The following PLCD3 variants were observed in gnomAD, a reference collection of about 807,000 sequenced individuals.
PLCD3 encodes phospholipase C delta 3.
PLCD3 carries 62 observed loss-of-function variants against 82.8 expected under a neutral mutation model. The ratio of observed to expected loss-of-function variants is 0.75; its 90% CI spans 0.61 to 0.93. PLCD3 has a LOEUF of 0.93. PLCD3 is among the 40% of genes least tolerant of loss of function. PLCD3 has a pLI of 0.00. For missense variants in PLCD3, 1,023 were observed against 1,103.4 expected, an observed-to-expected ratio of 0.93 and a Z score of 1.03; for synonymous variants, 478 against 471.8, an observed-to-expected ratio of 1.01 and a Z score of -0.17.
At chr17:45,116,401 G>A (rs554344716) in intron 8 of PLCD3, among the ~76,000 whole-genome samples, 1 of 148,386 alleles carries the variant, frequency 6.7e-6, no homozygotes, top group African/African-American at 2.6e-5. Context: ...GGCAAAGCCA[G>A]GTTACAGAAG....
Position 45,121,053 on chromosome 17 carries a change from G to A in PLCD3, c.403C>T (p.Pro135Ser). The stretch of plus-strand genomic sequence containing the variant: ...AAGGCGATGGTGAGGCAGCGCGCTG[G>A]CGCGAAGGCACCCCCGAAGCGCCGC... ...GLRRFGGAFA[P>S]ARCLTIAFKG... is the part of the protein sequence containing the mutation. Residue 135 changes from proline (P) to serine (S), a missense_variant, in exon 3 of 15, where the codon CCA becomes TCA. Coordinates refer to ENST00000619929, the MANE Select transcript of PLCD3 (RefSeq NM_133373.5). 1 of 1,540,626 alleles carries A rather than the reference G, an allele frequency of 6.5e-7. No individual in the cohort carries two copies. The highest frequency in any genetic ancestry group is 1.9e-5 in the Admixed American group (1 of 51,742).
At chr17:45,122,927 A>G (rs12944434) in intron 1 of PLCD3, among the ~76,000 whole-genome samples, 74,808 of 152,080 alleles carry the variant, frequency 0.49, 18,613 homozygotes, top group South Asian at 0.63. Context: ...ATGAGGGCCC[A>G]GAGTTTCCAG....
chr17:45,112,751 G>A (rs749191322), intron 14 of PLCD3, 47 bp from the exon 15 acceptor site: 4 of 1,590,250 alleles, frequency 2.5e-6, no homozygotes, highest in East Asian at 2.3e-5. Flanking sequence ...CACCCTGGGG[G>A]TCTGGCCCAG....
intron 1 of PLCD3, among the ~76,000 whole-genome samples, chr17:45,123,689 C>A (rs2054359256): frequency 6.6e-6 from 1 of 152,178 alleles, no homozygotes; most frequent in Non-Finnish European, 1.5e-5. Context: ...GCCTGGGCAT[C>A]TGTATTTTTA....
At chr17:45,114,613 A>G (rs2143550220) in intron 10 of PLCD3, among the ~76,000 whole-genome samples, 1 of 152,038 alleles carries the variant, frequency 6.6e-6, no homozygotes, top group Middle Eastern at 3.4e-3. Flanking sequence ...GTTCCAACCA[A>G]GTACACTGAA....
chr17:45,118,397 G>A lies in PLCD3; in HGVS notation c.1009C>T (p.Gln337Ter). The change falls in exon 6 of 15, where the codon CAG becomes TAG. Residue 337 changes from glutamine to a stop codon, truncating the protein, a stop_gained. Transcript: ENST00000619929. LOFTEE classifies it high-confidence loss of function. This position sits in a 1 kb window ranked among gnomAD's most constrained non-coding sequence, Gnocchi z 4.1. ...TGGGCAAGGGGCTGGTTCATGTCCT[G>A]GAACACACACGTGTGGGTGTTGTCC... ...ALDNTHTCVF[Q>*]DMNQPLAHYF... The A allele has an allele frequency of 6.2e-7, 1 of 1,614,028 alleles. No individual in the cohort carries two copies. The highest frequency in any genetic ancestry group is 8.5e-7 in the Non-Finnish European group (1 of 1,179,890).
chr17:45,125,142 C>T lies in PLCD3; in HGVS notation c.164-3770G>A, dbSNP rs185497374. On this transcript the variant is annotated intron_variant, in intron 1 of 14. Transcript: ENST00000619929. ...AGGAGTTCAAGACCAGCCTGACCAA[C>T]ATGGTGAAACCCTGTTTCTGTTTAA... 6.8e-3 allele frequency among the ~76,000 whole-genome samples: 1,007 copies of T among 148,440 alleles called. 23 individuals carry two copies. Among genetic ancestry groups the T allele is most frequent in the East Asian group, 0.022 (108 of 4,926 alleles).
rs1000544875 is a variant in PLCD3, at chr17:45,109,476, T to C, written c.*3140A>G. The C allele has an allele frequency of 1.3e-5, 2 of 152,352 alleles. No homozygotes were observed. The highest frequency in any genetic ancestry group is 4.8e-5 in the African/African-American group (2 of 41,456). The allele number at this position is 152,352 out of a possible 1,614,324, so 9.4% of individuals were successfully genotyped here. ...GAGTCACTAGGGGTGCATTTTAACA[T>C]GGCAAGTTGCTGGGCCCCAGTAGCT... On this transcript the variant is annotated 3_prime_UTR_variant, in exon 15 of 15. Transcript: ENST00000619929.
chr17:45,118,533 T>TC lies in PLCD3; in HGVS notation c.914-42dup, dbSNP rs762456437. The TC allele has an allele frequency of 1.9e-6, 3 of 1,600,892 alleles. No homozygotes were observed. In the South Asian group the frequency reaches 3.3e-5, roughly 18 times the overall value. ...GAGAGGGCATCAGGCCACATAGGGA[T>TC]CCCCCATGTCCAGCTTCCAATGCCC... is the stretch of plus-strand genomic sequence containing the variant. On this transcript the variant is annotated intron_variant, in intron 5 of 14. Coordinates refer to ENST00000619929, the MANE Select transcript of PLCD3 (RefSeq NM_133373.5). This position sits in a 1 kb window ranked among gnomAD's most constrained non-coding sequence, Gnocchi z 4.1.
intron 1 of PLCD3, among the ~76,000 whole-genome samples, chr17:45,122,323 A>C (rs56322817): frequency 1.5e-4 from 23 of 152,350 alleles, no homozygotes; most frequent in African/African-American, 5.5e-4. Context: ...CTTGGGCAAC[A>C]GAGTGAGACT....
In PLCD3 at chr17:45,116,660, G is replaced by A. The variant is rs1219095331; in HGVS notation, c.1385C>T (p.Pro462Leu). The A allele has an allele frequency of 1.2e-6, 2 of 1,604,772 alleles. No homozygotes were observed. The highest frequency in any genetic ancestry group is 1.1e-5 in the South Asian group (1 of 90,224). ...TGGGGATGGCAGCTCCTCGGGATTT[G>A]GGGAGTCCAGCGCCTGTGTCACCAG... The part of the protein sequence containing the change: ...DMLVTQALDS[P>L]NPEELPSPEQ... The change falls in exon 8 of 15, where the codon CCA (proline) becomes CTA (leucine). Residue 462 changes from proline to leucine, a missense_variant. Pro to Leu is a moderately conservative substitution (Grantham distance 98, BLOSUM62 -3). This residue lies in a region of PLCD3 where 553 missense variants were observed against 655.7 expected (regional missense o/e 0.84). Coordinates refer to ENST00000619929, the MANE Select transcript of PLCD3 (RefSeq NM_133373.5).
intron 4 of PLCD3, 37 bp from the exon 5 acceptor site, chr17:45,119,080 A>C: frequency 6.6e-7 from 1 of 1,521,772 alleles, no homozygotes; most frequent in Non-Finnish European, 8.9e-7. Context: ...GGAGGCAGAC[A>C]CTCCAGGAAA....
At position 45,112,999 on chromosome 17, in the gene PLCD3, G is replaced by A. The variant is rs563865250; in HGVS notation, c.2145C>T (p.Arg715=). Residue 715 remains arginine, a synonymous_variant, in exon 14 of 15, where the codon CGC becomes CGT. Coordinates refer to ENST00000619929, the MANE Select transcript of PLCD3 (RefSeq NM_133373.5). Reference sequence around the variant, plus strand: ...GCTGGAACTGCAGGGTCTGCCCCCAGCGGGGGTTGAAGCCTAGGGCACAGG... The same window carrying A: ...GCTGGAACTGCAGGGTCTGCCCCCAACGGGGGTTGAAGCCTAGGGCACAGG... The part of the protein sequence containing the change: ...DYVLNNGFNP[R]WGQTLQFQLR... 1.2e-6 allele frequency: 2 copies of A among 1,606,962 alleles called. No individual in the cohort carries two copies. The highest frequency in any genetic ancestry group is 2.2e-5 in the East Asian group (1 of 44,802).
At chr17:45,112,826 C>T (rs1289192541) in intron 14 of PLCD3, 37 bp downstream of exon 14, 14 of 1,609,292 alleles carry the variant, frequency 8.7e-6, no homozygotes, top group Non-Finnish European at 1.2e-5. Flanking sequence ...AGGACCTGGA[C>T]CCACATCCCT....
intron 1 of PLCD3, among the ~76,000 whole-genome samples, chr17:45,131,483 A>G (rs187131273): frequency 6.6e-6 from 1 of 152,280 alleles, no homozygotes; most frequent in African/African-American, 2.4e-5. Context: ...GTGGGGCACC[A>G]CCGGGGTGCC....
chr17:45,127,817 A>AGT (rs10665297), intron 1 of PLCD3, among the ~76,000 whole-genome samples: 102,736 of 150,844 alleles, frequency 0.68, 35,706 homozygotes, highest in East Asian at 0.91. Flanking sequence ...TGTGCGTGTG[A>AGT]GTGTGTGTGT....
rs2054257508 is a variant in PLCD3 at position 45,112,934 on chromosome 17, T to G, written c.2210A>C (p.Glu737Ala). 1 of 1,612,942 alleles carries G rather than the reference T, an allele frequency of 6.2e-7. No individual in the cohort carries two copies. Among genetic ancestry groups the G allele is most frequent in the African/African-American group, 1.3e-5 (1 of 74,876 alleles). ...ATTGGGGGAGGTGGCGTCATAATCT[T>G]CCACCACAAACCGGACCAGTGCCAG... ...PELALVRFVV[E>A]DYDATSPNDF... Residue 737 changes from glutamate (E) to alanine (A), a missense_variant, in exon 14 of 15, where the codon GAA becomes GCA. Coordinates refer to ENST00000619929, the MANE Select transcript of PLCD3 (RefSeq NM_133373.5).
rs755831205 is a variant in PLCD3, at chr17:45,121,162, C to G, written c.326-32G>C. On this transcript the variant is annotated intron_variant, in intron 2 of 14. Coordinates refer to ENST00000619929, the MANE Select transcript of PLCD3 (RefSeq NM_133373.5). Reference sequence around the variant, plus strand: ...GGAGGGCCGGGTCAGGGCGGAGGACCGGGCCTGTCCCCACCTCCCTGTCCG... The same window carrying G: ...GGAGGGCCGGGTCAGGGCGGAGGACGGGGCCTGTCCCCACCTCCCTGTCCG... 2.6e-6 allele frequency: 4 copies of G among 1,522,154 alleles called. No individual in the cohort carries two copies. The South Asian group carries it at 5.0e-5, about 19-fold the overall frequency. 94.3% of individuals were successfully genotyped at this position (1,522,154 alleles called of 1,614,324 possible).
At chr17:45,126,905 C>T (rs1016743904) in intron 1 of PLCD3, among the ~76,000 whole-genome samples, 1 of 152,178 alleles carries the variant, frequency 6.6e-6, no homozygotes, top group Non-Finnish European at 1.5e-5. Context: ...AGTGATTCAA[C>T]AGCCTCTGCC....
Sources: allele counts gnomAD v4.1 joint callset (sites outside exome capture counted in the v4.1 genomes callset), GRCh38; gene constraint gnomAD v4.1.1; regional missense constraint gnomAD v4.1.1; non-coding constraint Gnocchi (gnomAD v3.1); transcripts MANE v1.5; gene names NCBI Gene and HGNC (gene_info 2026-07-23, HGNC 2026-07-21).